BRD7: variants seen among roughly 807,000 people sequenced by gnomAD.
BRD7 encodes the protein bromodomain containing 7.
Under a neutral mutation model 82.1 loss-of-function variants are expected in BRD7, and 15 were observed. The ratio of observed to expected loss-of-function variants is 0.18; its 90% CI spans 0.12 to 0.28. The LOEUF (loss-of-function observed/expected upper bound fraction) is 0.28, where lower values mean the gene tolerates loss of function less well. Ranked by LOEUF, BRD7 falls within the 10% of genes least tolerant of loss-of-function variation. The pLI is 1.00. For synonymous variants in BRD7, 232 were observed against 266.9 expected, an observed-to-expected ratio of 0.87 and a Z score of 1.27; for missense variants, 638 against 779.9, an observed-to-expected ratio of 0.82 and a Z score of 2.17.
At chr16:50,344,025 C>G (rs1026712417) in intron 5 of BRD7, among the ~76,000 whole-genome samples, 1 of 152,198 alleles carries the variant, frequency 6.6e-6, no homozygotes, top group Non-Finnish European at 1.5e-5. Context: ...TAGGGGCCAA[C>G]TGACACCTCA....
chr16:50,320,112 T>C (rs2037026748), intron 15 of BRD7, 82 bp from the exon 16 acceptor site: 1 of 1,513,224 alleles, frequency 6.6e-7, no homozygotes, highest in Non-Finnish European at 8.9e-7. Flanking sequence ...AATGTACACA[T>C]GCAAAGAAAA....
At chr16:50,349,409 A>C (rs575031868) in intron 5 of BRD7, 4 of 363,884 alleles carry the variant, frequency 1.1e-5, no homozygotes, top group Non-Finnish European at 2.2e-5. Flanking sequence ...AAAAATTAAA[A>C]AAATGTAAAC....
rs535211149 is a variant in BRD7, at chr16:50,319,230, C to T, written c.1937G>A (p.Cys646Tyr). The T allele has an allele frequency of 7.4e-6, 12 of 1,613,554 alleles. No homozygotes were observed. The East Asian group carries it at 1.1e-4, about 15-fold the overall frequency. ...GCAGCCTCAACTTCCACCAGGTCCA[C>T]ACTCAGCAACATCCGTCTTTTTAGG... The part of the protein sequence containing the change: ...EEPKKTDVAE[C>Y]GPGGS Residue 646 changes from cysteine (C) to tyrosine (Y), a missense_variant, in exon 17 of 17, where the codon TGT becomes TAT. Cys to Tyr is a radical substitution (Grantham distance 194). This residue lies in a region of BRD7 where 402 missense variants were observed against 500.8 expected (regional missense o/e 0.80). Transcript: ENST00000394688.
intron 3 of BRD7, 98 bp from the exon 4 acceptor site, chr16:50,354,580 A>G: frequency 8.2e-7 from 1 of 1,216,088 alleles, no homozygotes; most frequent in Non-Finnish European, 1.2e-6. Flanking sequence ...TAAATATCTC[A>G]TACAGAAATT....
Position 50,341,028 on chromosome 16 carries a change from A to G in BRD7, c.592-942T>C, listed in dbSNP as rs971463292. Among the ~76,000 whole-genome samples the G allele has an allele frequency of 5.9e-5, 9 of 152,318 alleles. No individual in the cohort carries two copies. The East Asian group carries it at 1.5e-3, about 26-fold the overall frequency. On this transcript the variant is annotated intron_variant, in intron 5 of 16. Coordinates refer to ENST00000394688, the MANE Select transcript of BRD7 (RefSeq NM_013263.5). ...AATAAGTAGACTGAGTTCTATGTACAAGTACGTAAGACTGAGTGAAGGGTC... is the reference window on the plus strand; with the variant it reads ...AATAAGTAGACTGAGTTCTATGTACGAGTACGTAAGACTGAGTGAAGGGTC...
In BRD7 at chr16:50,317,644, A is replaced by G. The variant is rs1597010344; in HGVS notation, c.*1567T>C. On this transcript the variant is annotated 3_prime_UTR_variant, in exon 17 of 17. Coordinates refer to ENST00000394688, the MANE Select transcript of BRD7 (RefSeq NM_013263.5). ...TAATAGTTTGTAAGTAAAAGTTTTT[A>G]GTTTTCAGTGTTCAGGTTATAGAAT... 6.6e-6 allele frequency: 1 copy of G among 152,358 alleles called. No homozygotes were observed. Among genetic ancestry groups the G allele is most frequent in the Non-Finnish European group, 1.5e-5 (1 of 68,032 alleles). 9.4% of individuals were successfully genotyped at this position (152,358 alleles called of 1,614,324 possible).
intron 11 of BRD7, 75 bp downstream of exon 11, chr16:50,325,673 C>A: frequency 2.2e-6 from 3 of 1,363,098 alleles, no homozygotes; most frequent in Non-Finnish European, 2.9e-6. Flanking sequence ...CCAGCTTTGT[C>A]AGTCTATCCA....
chr16:50,357,489 A>T (rs2038780670), intron 2 of BRD7, among the ~76,000 whole-genome samples: 1 of 152,222 alleles, frequency 6.6e-6, no homozygotes, highest in Non-Finnish European at 1.5e-5. Flanking sequence ...AAATACTGGT[A>T]TGGATCTTGG....
At position 50,316,298 on chromosome 16, in the gene BRD7, C is replaced by CA. The variant is rs2036796988; in HGVS notation, c.*2912_*2913insT. 6.6e-6 allele frequency: 1 copy of CA among 152,352 alleles called. No homozygotes were observed. The highest frequency in any genetic ancestry group is 6.5e-5 in the Admixed American group (1 of 15,268). 9.4% of individuals were successfully genotyped at this position (152,352 alleles called of 1,614,324 possible). On this transcript the variant is annotated 3_prime_UTR_variant, in exon 17 of 17. Coordinates refer to ENST00000394688, the MANE Select transcript of BRD7 (RefSeq NM_013263.5). ...GAGGAATGTGGTCACAGCAAGAAGG[C>CA]GGGGAGCAGCAGAGCCTTGCCTTTG...
intron 7 of BRD7, 76 bp downstream of exon 7, chr16:50,334,635 G>A (rs919139277): frequency 3.5e-5 from 54 of 1,528,432 alleles, no homozygotes; most frequent in Non-Finnish European, 4.5e-5. Flanking sequence ...TCCCAAGTCA[G>A]GCCCCGAATA....
At chr16:50,354,338 GT>G in intron 4 of BRD7, 86 bp downstream of exon 4, 2 of 1,132,814 alleles carry the variant, frequency 1.8e-6, no homozygotes, top group Non-Finnish European at 2.6e-6. Context: ...AATCACGTAT[GT>G]TTGGAGTTAG....
chr16:50,368,143 C>G lies in BRD7; in HGVS notation c.205G>C (p.Gly69Arg). 1.2e-6 allele frequency: 2 copies of G among 1,614,070 alleles called. No individual in the cohort carries two copies. Among genetic ancestry groups the G allele is most frequent in the Non-Finnish European group, 1.7e-6 (2 of 1,179,934 alleles). ...KDRKRKKRKK[G>R]EKQIPGEEKG... Reference sequence around the variant, plus strand: ...TCTTCCCCTGGAATCTGCTTCTCTCCTTTCTTTCTCTTTTTCCGCTTTCTG... The same window carrying G: ...TCTTCCCCTGGAATCTGCTTCTCTCGTTTCTTTCTCTTTTTCCGCTTTCTG... Residue 69 changes from glycine (G) to arginine (R), a missense_variant, in exon 2 of 17, where the codon GGA becomes CGA. By Grantham distance (125) the Gly-to-Arg change is moderately radical (BLOSUM62 -2). Transcript: ENST00000394688.
chr16:50,355,660 T>G (rs1441622699), intron 2 of BRD7, among the ~76,000 whole-genome samples: 1 of 152,200 alleles, frequency 6.6e-6, no homozygotes, highest in African/African-American at 2.4e-5. Context: ...GAATTTGAGC[T>G]CTACTTCATG....
intron 2 of BRD7, among the ~76,000 whole-genome samples, chr16:50,355,267 T>C (rs181091391): frequency 6.6e-6 from 1 of 152,336 alleles, no homozygotes; most frequent in African/African-American, 2.4e-5. Context: ...AAAGGAGATA[T>C]ACTATGTTCA....
At chr16:50,322,332 G>C (rs1469408074) in intron 12 of BRD7, among the ~76,000 whole-genome samples, 1 of 152,188 alleles carries the variant, frequency 6.6e-6, no homozygotes, top group Non-Finnish European at 1.5e-5. Flanking sequence ...AATGGTATCT[G>C]TTTTTATCAG....
rs1270956742 is a variant in BRD7, at chr16:50,317,441, G to GAAAC, written c.*1766_*1769dup. The GAAAC allele has an allele frequency of 3.9e-5, 6 of 152,312 alleles. No individual in the cohort carries two copies. Among genetic ancestry groups the GAAAC allele is most frequent in the South Asian group, 2.1e-4 (1 of 4,824 alleles). 9.4% of individuals were successfully genotyped at this position (152,312 alleles called of 1,614,324 possible). On this transcript the variant is annotated 3_prime_UTR_variant, in exon 17 of 17. Coordinates refer to ENST00000394688, the MANE Select transcript of BRD7 (RefSeq NM_013263.5). The stretch of plus-strand genomic sequence containing the variant: ...AGGTTTCTGTTGCTAATATAACATA[G>GAAAC]AAACACATTAGTGCACTGGGCCTCT...
chr16:50,346,631 A>G (rs1283453185), intron 5 of BRD7, among the ~76,000 whole-genome samples: 1 of 152,236 alleles, frequency 6.6e-6, no homozygotes, highest in African/African-American at 2.4e-5. Flanking sequence ...AGAGAATACT[A>G]TAAACACCTC....
intron 6 of BRD7, among the ~76,000 whole-genome samples, chr16:50,335,145 G>A (rs923025958): frequency 4.6e-5 from 7 of 152,230 alleles, no homozygotes; most frequent in African/African-American, 1.7e-4. Flanking sequence ...AAATTTAACA[G>A]AGGAGAAAGT....
At chr16:50,354,720 A>G in intron 3 of BRD7, 73 bp downstream of exon 3, 1 of 1,539,108 alleles carries the variant, frequency 6.5e-7, no homozygotes, top group South Asian at 1.2e-5. Flanking sequence ...AGAAGCTAAA[A>G]CCCCACCATT....
Sources: allele counts gnomAD v4.1 joint callset (sites outside exome capture counted in the v4.1 genomes callset), GRCh38; gene constraint gnomAD v4.1.1; regional missense constraint gnomAD v4.1.1; transcripts MANE v1.5; gene names NCBI Gene and HGNC (gene_info 2026-07-23, HGNC 2026-07-21).